CHRNA7: variants seen among roughly 807,000 people sequenced by gnomAD.
The protein encoded by CHRNA7 is cholinergic receptor nicotinic alpha 7 subunit.
A neutral mutation model predicts 48.0 loss-of-function variants in CHRNA7; 17 were observed. The observed-to-expected ratio is 0.35, with a 90% CI of 0.24 to 0.53. The LOEUF (loss-of-function observed/expected upper bound fraction) is 0.53. Among genes scored for constraint, CHRNA7 ranks in the 20% least tolerant of loss-of-function variants. The probability of loss-of-function intolerance (pLI) is 0.92; values close to 1 mark genes in which losing one functional copy is unlikely to be tolerated. For missense variants in CHRNA7, 155 were observed against 577.7 expected, an observed-to-expected ratio of 0.27 and a Z score of 7.50; for synonymous variants, 75 against 242.3, an observed-to-expected ratio of 0.31 and a Z score of 6.41.
intron 2 of CHRNA7, among the ~76,000 whole-genome samples, chr15:32,074,127 G>T (rs1366948631): frequency 6.6e-6 from 1 of 151,084 alleles, no homozygotes; most frequent in African/African-American, 2.4e-5. Flanking sequence ...CTCATTGCTG[G>T]TGTATATAAA....
At chr15:32,072,815 C>G (rs530279635) in intron 2 of CHRNA7, among the ~76,000 whole-genome samples, 1 of 152,314 alleles carries the variant, frequency 6.6e-6, no homozygotes, top group East Asian at 1.9e-4. Flanking sequence ...GCACAGAATG[C>G]AAAATTGAAG....
intron 4 of CHRNA7, among the ~76,000 whole-genome samples, chr15:32,116,627 G>A (rs1216647879): frequency 6.6e-6 from 1 of 152,218 alleles, no homozygotes; most frequent in Non-Finnish European, 1.5e-5. Context: ...TAAAGGCCTT[G>A]CTGGGATCAG....
At chr15:32,039,650 T>C (rs2049412280) in intron 2 of CHRNA7, among the ~76,000 whole-genome samples, 1 of 152,188 alleles carries the variant, frequency 6.6e-6, no homozygotes, top group African/African-American at 2.4e-5. Context: ...TTCTTTTAAA[T>C]TTGTTAAGGC....
intron 4 of CHRNA7, among the ~76,000 whole-genome samples, chr15:32,134,305 C>T (rs901786915): frequency 2.6e-5 from 4 of 152,014 alleles, no homozygotes; most frequent in Non-Finnish European, 5.9e-5. Context: ...ATTACAGGTG[C>T]CCACCACCAT....
In CHRNA7 at chr15:32,149,270, C is replaced by T. The variant is rs1461198102; in HGVS notation, c.351-4637C>T. Among the ~76,000 whole-genome samples the T allele has an allele frequency of 6.6e-6, 1 of 152,194 alleles. No individual in the cohort carries two copies. Among genetic ancestry groups the T allele is most frequent in the Non-Finnish European group, 1.5e-5 (1 of 68,048 alleles). On this transcript the variant is annotated intron_variant, in intron 4 of 9. Transcript: ENST00000306901. This position sits in a 1 kb window ranked among gnomAD's most constrained non-coding sequence, Gnocchi z 4.6. ...TGAGGAGGAGAATGAATCCCTGCAGCCCTACCCCTGTTTCCACGGTTATGG... is the reference window on the plus strand; with the variant it reads ...TGAGGAGGAGAATGAATCCCTGCAGTCCTACCCCTGTTTCCACGGTTATGG...
Position 32,101,362 on chromosome 15 carries a change from T to C in CHRNA7, c.240+15T>C. The C allele has an allele frequency of 6.3e-7, 1 of 1,584,994 alleles. No individual in the cohort carries two copies. Among genetic ancestry groups the C allele is most frequent in the Non-Finnish European group, 8.5e-7 (1 of 1,170,290 alleles). ...GGCTGCAAATGGTAAGTTAAGAGAATGACAATCTCTCCCATGGGCTGCAAG... is the reference window on the plus strand; with the variant it reads ...GGCTGCAAATGGTAAGTTAAGAGAACGACAATCTCTCCCATGGGCTGCAAG... On this transcript the variant is annotated intron_variant, in intron 3 of 9. Transcript: ENST00000306901.
intron 2 of CHRNA7, among the ~76,000 whole-genome samples, chr15:32,096,262 G>T (rs941677218): frequency 3.9e-5 from 6 of 152,182 alleles, no homozygotes; most frequent in Non-Finnish European, 8.8e-5. Context: ...GTCAATACCT[G>T]ATACCTGATA....
intron 2 of CHRNA7, among the ~76,000 whole-genome samples, chr15:32,088,892 T>C (rs2050340648): frequency 6.6e-6 from 1 of 152,198 alleles, no homozygotes; most frequent in African/African-American, 2.4e-5. Context: ...TGTAACAGTA[T>C]CTTCCATAGA....
chr15:32,035,907 G>T (rs1224196329), intron 2 of CHRNA7, among the ~76,000 whole-genome samples: 2 of 152,124 alleles, frequency 1.3e-5, no homozygotes, highest in Non-Finnish European at 2.9e-5. Flanking sequence ...TACGACTGAT[G>T]AACTTACATT....
intron 4 of CHRNA7, among the ~76,000 whole-genome samples, chr15:32,132,166 G>A (rs574584286): frequency 1.3e-5 from 2 of 152,128 alleles, no homozygotes; most frequent in African/African-American, 2.4e-5. Context: ...CTGGGGCAGC[G>A]CTCTTGGCTA....
At chr15:32,129,885 A>G (rs2141314959) in intron 4 of CHRNA7, among the ~76,000 whole-genome samples, 1 of 152,068 alleles carries the variant, frequency 6.6e-6, no homozygotes, top group East Asian at 1.9e-4. Flanking sequence ...AGCATGTCAT[A>G]CATATTGATA....
intron 2 of CHRNA7, among the ~76,000 whole-genome samples, chr15:32,080,055 A>G (rs2050192451): frequency 1.3e-5 from 2 of 152,198 alleles, no homozygotes; most frequent in Admixed American, 1.3e-4. Flanking sequence ...TGGGGAAAGG[A>G]TTTCCTATTT....
chr15:32,036,471 A>T (rs59054835), intron 2 of CHRNA7, among the ~76,000 whole-genome samples: 3,487 of 152,270 alleles, frequency 0.023, 143 homozygotes, highest in African/African-American at 0.08. Context: ...GCTGGTTCGT[A>T]TGCTAAGAGT....
At chr15:32,092,999 AG>A (rs1312008093) in intron 2 of CHRNA7, among the ~76,000 whole-genome samples, 3 of 152,234 alleles carry the variant, frequency 2.0e-5, no homozygotes, top group Non-Finnish European at 4.4e-5. Context: ...CTGTGTGTAT[AG>A]GTGTTTGCTT....
rs75523029 is a variant in CHRNA7 at position 32,106,409 on chromosome 15, C to T, written c.240+5062C>T. ...AAAAAAAGAAAAAAACTCTCCTTGACCTCCAGTTTGTTGGTTTTGTTATTC... is the reference window on the plus strand; with the variant it reads ...AAAAAAAGAAAAAAACTCTCCTTGATCTCCAGTTTGTTGGTTTTGTTATTC... On this transcript the variant is annotated intron_variant, in intron 3 of 9. Transcript: ENST00000306901. 3.9e-4 allele frequency among the ~76,000 whole-genome samples: 59 copies of T among 152,270 alleles called. 1 individual carries two copies. In the East Asian group the frequency reaches 0.011, roughly 28 times the overall value.
At chr15:32,030,693 C>A in intron 1 of CHRNA7, 44 bp downstream of exon 1, 1 of 1,551,544 alleles carries the variant, frequency 6.4e-7, no homozygotes, top group Non-Finnish European at 8.7e-7. Flanking sequence ...CGTGGGATCC[C>A]GGGCACATCC....
chr15:32,079,195 A>T (rs948157675), intron 2 of CHRNA7, among the ~76,000 whole-genome samples: 1 of 152,238 alleles, frequency 6.6e-6, no homozygotes, highest in Non-Finnish European at 1.5e-5. Context: ...AGCCAATATC[A>T]TACTGAATGG....
At position 32,111,909 on chromosome 15, in the gene CHRNA7, T is replaced by C. The variant is rs545403606; in HGVS notation, c.350+10T>C. 1.3e-6 allele frequency: 2 copies of C among 1,496,706 alleles called. No homozygotes were observed. Among genetic ancestry groups the C allele is most frequent in the East Asian group, 2.3e-5 (1 of 44,322 alleles). The allele number at this position is 1,496,706 out of a possible 1,614,324, so 92.7% of individuals were successfully genotyped here. On this transcript the variant is annotated intron_variant, in intron 4 of 9. Transcript: ENST00000306901. ...TTCTTCTCTATAACAGGTAAGCATA[T>C]TGAACAAAGGAAAAAAATGATTTTA...
chr15:32,080,386 A>C (rs2141231345), intron 2 of CHRNA7, among the ~76,000 whole-genome samples: 1 of 152,334 alleles, frequency 6.6e-6, no homozygotes, highest in South Asian at 2.1e-4. Context: ...AAATTTTTAC[A>C]ATCTGTCCAT....
Sources: gnomAD v4.1 joint callset for allele counts (sites outside exome capture counted in the v4.1 genomes callset) on GRCh38, gnomAD v4.1.1 for gene constraint, Gnocchi (gnomAD v3.1) non-coding constraint, MANE v1.5 for transcripts, NCBI Gene and HGNC (gene_info 2026-07-23, HGNC 2026-07-21) for gene names.